Variants in JAG1 observed in about 807,000 individuals in gnomAD.
The protein encoded by JAG1 is jagged canonical Notch ligand 1, also known as protein jagged-1.
A neutral mutation model predicts 148.7 loss-of-function variants in JAG1; 23 were observed. The observed-to-expected ratio is 0.15, with a 90% confidence interval of 0.11 to 0.22. The LOEUF (loss-of-function observed/expected upper bound fraction) is 0.22, where lower values mean the gene tolerates loss of function less well. Among genes scored for constraint, JAG1 ranks in the 10% least tolerant of loss-of-function variants. The probability of loss-of-function intolerance (pLI) is 1.00; values close to 1 mark genes in which losing one functional copy is unlikely to be tolerated. For missense variants in JAG1, 1,054 were observed against 1,611.2 expected, an observed-to-expected ratio of 0.65 and a Z score of 5.92; for synonymous variants, 572 against 598.3, an observed-to-expected ratio of 0.96 and a Z score of 0.64.
Position 10,639,214 on chromosome 20 carries a change from G to T in JAG1, c.*284C>A. ...GCAGAAGTGGGAGCTCAAAGACCAG[G>T]GGGCTGGGCAGGCTCCTGGGAGCCT... is the stretch of plus-strand genomic sequence containing the variant. On this transcript the variant is annotated 3_prime_UTR_variant, in exon 26 of 26. Coordinates refer to ENST00000254958, the MANE Select transcript of JAG1 (RefSeq NM_000214.3). 2 of 472,648 alleles carry T rather than the reference G, an allele frequency of 4.2e-6. No homozygotes were observed. The highest frequency in any genetic ancestry group is 3.9e-6 in the Non-Finnish European group (1 of 256,414). The allele number at this position is 472,648 out of a possible 1,614,324, so 29.3% of individuals were successfully genotyped here.
chr20:10,652,933 A>C (rs1228860816), intron 5 of JAG1, among the ~76,000 whole-genome samples: 1 of 152,032 alleles, frequency 6.6e-6, no homozygotes, highest in Non-Finnish European at 1.5e-5. Flanking sequence ...GTTGCGACAG[A>C]CTATAGAGGA....
chr20:10,644,310 A>ACACACG (rs1245753521), intron 19 of JAG1, 47 bp downstream of exon 19: 1 of 1,455,552 alleles, frequency 6.9e-7, no homozygotes, highest in Non-Finnish European at 9.6e-7. Flanking sequence ...ACACACACAC[A>ACACACG]CACACGATAG....
At chr20:10,640,286 A>T (rs1445085316) in intron 25 of JAG1, among the ~76,000 whole-genome samples, 2 of 152,186 alleles carry the variant, frequency 1.3e-5, no homozygotes, top group Admixed American at 1.3e-4. Context: ...TGGTTTTCAG[A>T]ACTAGAAATC....
chr20:10,652,991 G>A (rs1051133985), intron 5 of JAG1, among the ~76,000 whole-genome samples: 9 of 152,146 alleles, frequency 5.9e-5, no homozygotes, highest in Admixed American at 2.6e-4. Flanking sequence ...CTCTGCAGAC[G>A]CTGCACTTGC....
At chr20:10,653,013 TTGTC>T (rs1478277775) in intron 5 of JAG1, among the ~76,000 whole-genome samples, 1 of 151,282 alleles carries the variant, frequency 6.6e-6, no homozygotes, top group African/African-American at 2.5e-5. Flanking sequence ...ACTCTGCTCT[TTGTC>T]TGCACAGAAA....
At chr20:10,656,252 A>G in intron 5 of JAG1, 146 bp downstream of exon 5, 3 of 665,056 alleles carry the variant, frequency 4.5e-6, no homozygotes, top group Non-Finnish European at 8.1e-6. Context: ...TAATTTAATA[A>G]GCTTCGGATG....
intron 2 of JAG1, among the ~76,000 whole-genome samples, chr20:10,670,391 C>T (rs776524556): frequency 1.3e-5 from 2 of 152,166 alleles, no homozygotes; most frequent in African/African-American, 2.4e-5. Context: ...ACCATATATC[C>T]TTTTCTTGCT....
At chr20:10,669,089 T>C (rs1411492743) in intron 2 of JAG1, among the ~76,000 whole-genome samples, 1 of 152,188 alleles carries the variant, frequency 6.6e-6, no homozygotes, top group African/African-American at 2.4e-5. Context: ...GCAGCTATTC[T>C]GCAGATACTT....
chr20:10,651,160 A>G (rs1355785422), intron 8 of JAG1: 5 of 176,260 alleles, frequency 2.8e-5, no homozygotes, highest in Admixed American at 1.6e-4. Flanking sequence ...ATTCTGATAT[A>G]CAGCCCTGTC....
rs1020518055 is a variant in JAG1, at chr20:10,642,502, G to A, written c.2558C>T (p.Ala853Val). Residue 853 changes from alanine (A) to valine (V), a missense_variant, in exon 21 of 26, where the codon GCC (alanine) becomes GTC (valine). Physicochemically the swap from Ala to Val is moderately conservative, Grantham distance 64. Transcript: ENST00000254958. ...RCVCPPGHSG[A>V]KCQEVSGRPC... is the part of the protein sequence containing the mutation. ...GGCACACATACCTTCCTGGCACTTGGCACCACTGTGCCCTGGAGGGCAGAC... is the reference window on the plus strand; with the variant it reads ...GGCACACATACCTTCCTGGCACTTGACACCACTGTGCCCTGGAGGGCAGAC... 3 of 1,608,504 alleles carry A rather than the reference G, an allele frequency of 1.9e-6. No individual in the cohort carries two copies. Among genetic ancestry groups the A allele is most frequent in the African/African-American group, 2.7e-5 (2 of 74,786 alleles).
intron 10 of JAG1, 134 bp from the exon 11 acceptor site, chr20:10,649,241 T>G: frequency 1.4e-6 from 1 of 706,390 alleles, no homozygotes; most frequent in Non-Finnish European, 2.5e-6. Context: ...GATAAGGTTA[T>G]TACGCTGGGT....
intron 2 of JAG1, among the ~76,000 whole-genome samples, chr20:10,666,935 A>G (rs1234099459): frequency 2.0e-5 from 3 of 152,182 alleles, no homozygotes; most frequent in Non-Finnish European, 4.4e-5. Context: ...CGCCCTCCAC[A>G]CTTAGGCTGC....
rs554663898 is a variant in JAG1, at chr20:10,670,785, CGA to C, written c.387+1914_387+1915del. Among the ~76,000 whole-genome samples the C allele has an allele frequency of 1.3e-4, 20 of 152,256 alleles. No homozygotes were observed. In the South Asian group the frequency reaches 3.3e-3, roughly 25 times the overall value. ...CGGTCTTCCCCCATTCGAGAAAAGC[CGA>C]GAGTCTATTTCATGGTTGGTGACCC... On this transcript the variant is annotated intron_variant, in intron 2 of 25. Transcript: ENST00000254958.
At chr20:10,646,144 C>T (rs1331912269) in intron 14 of JAG1, 60 bp from the exon 15 acceptor site, 1 of 1,267,346 alleles carries the variant, frequency 7.9e-7, no homozygotes, top group South Asian at 1.2e-5. Context: ...TAGACAAGCA[C>T]TGTTCAGCAG....
At chr20:10,641,045 A>T in intron 24 of JAG1, 68 bp downstream of exon 24, 1 of 1,612,744 alleles carries the variant, frequency 6.2e-7, no homozygotes, top group Middle Eastern at 1.7e-4. Context: ...AATTTGCTCC[A>T]TTCAGACACT....
intron 24 of JAG1, 55 bp from the exon 25 acceptor site, chr20:10,640,988 C>T (rs1028167017): frequency 5.2e-5 from 84 of 1,612,358 alleles, no homozygotes; most frequent in Non-Finnish European, 6.6e-5. Context: ...AGCAGCCTTT[C>T]TTCAAAATTA....
At chr20:10,660,738 G>GCCTGCTT (rs1274717522) in intron 3 of JAG1, among the ~76,000 whole-genome samples, 6 of 152,208 alleles carry the variant, frequency 3.9e-5, no homozygotes, top group African/African-American at 1.4e-4. Flanking sequence ...TACGTCTGCT[G>GCCTGCTT]CCTGCTTCCT....
intron 11 of JAG1, 52 bp from the exon 12 acceptor site, chr20:10,648,774 C>T: frequency 6.4e-7 from 1 of 1,553,906 alleles, no homozygotes; most frequent in Non-Finnish European, 8.9e-7. Context: ...CTATGTATTC[C>T]ACAAACACAG....
rs753055785 is a variant in JAG1 at position 10,645,125 on chromosome 20, C to A, written c.2227+18G>T. ...GTGGCCATGCCCACTGCAGATCCCA[C>A]GTGGGGCATAAAGTTACCTATGTTA... On this transcript the variant is annotated intron_variant, in intron 17 of 25. Transcript: ENST00000254958. The surrounding 1 kb of genome is among the most constrained non-coding windows in gnomAD (Gnocchi z 6.1). 1 of 1,599,136 alleles carries A rather than the reference C, an allele frequency of 6.3e-7. No homozygotes were observed.
Sources: allele counts gnomAD v4.1 joint callset (sites outside exome capture counted in the v4.1 genomes callset), GRCh38; gene constraint gnomAD v4.1.1; non-coding constraint Gnocchi (gnomAD v3.1); transcripts MANE v1.5; gene names NCBI Gene and HGNC (gene_info 2026-07-23, HGNC 2026-07-21).